Variants in SCN3A observed in about 807,000 individuals in gnomAD.
SCN3A encodes sodium channel protein type 3 subunit alpha.
SCN3A carries 60 observed loss-of-function variants against 187.6 expected under a neutral mutation model. The observed-to-expected ratio is 0.32, with a 90% CI of 0.26 to 0.40. The LOEUF (loss-of-function observed/expected upper bound fraction) is 0.40, where lower values mean the gene tolerates loss of function less well. Among genes scored for constraint, SCN3A ranks in the 10% least tolerant of loss-of-function variants. SCN3A has a pLI of 1.00. For missense variants in SCN3A, 1,601 were observed against 2,428.2 expected (o/e 0.66, Z 7.16); for synonymous variants, 788 against 829.2 (o/e 0.95, Z 0.85).
In SCN3A at chr2:165,095,477, G is replaced by A. The variant is rs899015917; in HGVS notation, c.4431+34C>T. ...GGCTGTATTAACAGACAGAACCCCA[G>A]AATGAAGAAAGGTAAAAGCTAAAGA... On this transcript the variant is annotated intron_variant, in intron 25 of 27. Transcript: ENST00000283254. 2.5e-6 allele frequency: 4 copies of A among 1,603,936 alleles called. No homozygotes were observed. In the African/African-American group the frequency reaches 4.0e-5, roughly 16 times the overall value.
intron 21 of SCN3A, among the ~76,000 whole-genome samples, chr2:165,103,616 C>T (rs946726847): frequency 2.8e-4 from 43 of 152,086 alleles, no homozygotes; most frequent in African/African-American, 1.0e-3. Flanking sequence ...AGTTGTCATC[C>T]ACACCTTTCC....
chr2:165,128,180 A>G (rs1687110701), intron 17 of SCN3A, 79 bp from the exon 18 acceptor site: 6 of 1,104,372 alleles, frequency 5.4e-6, no homozygotes, highest in Admixed American at 2.6e-5. Flanking sequence ...GAACTCATAG[A>G]TCTTTGCTAA....
intron 18 of SCN3A, among the ~76,000 whole-genome samples, chr2:165,116,492 A>G (rs1686373402): frequency 6.6e-6 from 1 of 152,248 alleles, no homozygotes. Flanking sequence ...AGCACAACCT[A>G]GATAATGTAA....
chr2:165,151,126 A>T (rs1344135483), intron 11 of SCN3A, among the ~76,000 whole-genome samples: 1 of 152,312 alleles, frequency 6.6e-6, no homozygotes, highest in Non-Finnish European at 1.5e-5. Context: ...CAATGGTAAG[A>T]TGAAAGTGGT....
intron 15 of SCN3A, among the ~76,000 whole-genome samples, chr2:165,132,157 G>C (rs772065182): frequency 1.4e-4 from 22 of 152,212 alleles, no homozygotes; most frequent in African/African-American, 4.3e-4. Flanking sequence ...AAGAACATTC[G>C]ATGTTCATGG....
chr2:165,099,471 C>A (rs372550501), intron 22 of SCN3A, among the ~76,000 whole-genome samples: 2 of 152,184 alleles, frequency 1.3e-5, no homozygotes, highest in African/African-American at 4.8e-5. Flanking sequence ...GTAATCCCAG[C>A]ACTTTGGGAG....
chr2:165,128,450 A>AG (rs1574160628), intron 17 of SCN3A, among the ~76,000 whole-genome samples: 3 of 148,304 alleles, frequency 2.0e-5, no homozygotes, highest in Admixed American at 2.0e-4. Flanking sequence ...AGAGAGAGAG[A>AG]AAGATACTTT....
chr2:165,176,751 AT>A (rs1690495077), intron 2 of SCN3A, among the ~76,000 whole-genome samples: 1 of 152,128 alleles, frequency 6.6e-6, no homozygotes, highest in Non-Finnish European at 1.5e-5. Context: ...AATTTTGTCC[AT>A]TTTTTAAAAG....
chr2:165,176,024 A>C (rs2105923834), intron 3 of SCN3A, 107 bp downstream of exon 3: 1 of 1,008,382 alleles, frequency 9.9e-7, no homozygotes, highest in Admixed American at 2.5e-5. Flanking sequence ...GTATTATAAA[A>C]TCTTTAACAG....
intron 15 of SCN3A, among the ~76,000 whole-genome samples, chr2:165,137,477 CT>C (rs1257920868): frequency 2.0e-5 from 3 of 152,048 alleles, no homozygotes; most frequent in African/African-American, 7.2e-5. Flanking sequence ...CAATGATGTT[CT>C]TTTTTTCATA....
intron 26 of SCN3A, chr2:165,093,681 T>G (rs370900565): frequency 1.5e-3 from 222 of 152,380 alleles, no homozygotes; most frequent in African/African-American, 5.1e-3. Flanking sequence ...CCAACTACTC[T>G]TATAAATATG....
In SCN3A at chr2:165,146,844, G is replaced by A; in HGVS notation, c.1566C>T (p.Ser522=). ...TGTCTTCAGATTCGGATTTGGGAAA[G>A]CTGTCTCTCTCTCCTTTGTTGTTTC... is the stretch of plus-strand genomic sequence containing the variant. The part of the protein sequence containing the change: ...LEGNNKGERD[S]FPKSESEDSV... The change falls in exon 12 of 28, where the codon AGC becomes AGT. Residue 522 remains serine, a synonymous_variant. Transcript: ENST00000283254. 6.2e-7 allele frequency: 1 copy of A among 1,614,086 alleles called. No individual in the cohort carries two copies.
chr2:165,184,140 A>G (rs1023044579), intron 2 of SCN3A, among the ~76,000 whole-genome samples: 3 of 152,180 alleles, frequency 2.0e-5, no homozygotes, highest in Admixed American at 2.0e-4. Flanking sequence ...ACCCAACAGC[A>G]TAAGATTTAT....
chr2:165,161,318 G>A (rs1467875322), intron 9 of SCN3A, among the ~76,000 whole-genome samples: 1 of 151,592 alleles, frequency 6.6e-6, no homozygotes, highest in East Asian at 1.9e-4. Flanking sequence ...CCATTTTAAC[G>A]ATGAGTAAAC....
chr2:165,141,764 T>C (rs773665092), intron 12 of SCN3A, among the ~76,000 whole-genome samples: 8 of 152,162 alleles, frequency 5.3e-5, no homozygotes, highest in Non-Finnish European at 7.4e-5. Flanking sequence ...TTGTGTAAAA[T>C]ATAACACTGG....
intron 18 of SCN3A, among the ~76,000 whole-genome samples, chr2:165,117,274 A>G (rs1474996906): frequency 1.3e-5 from 2 of 152,072 alleles, no homozygotes; most frequent in African/African-American, 4.8e-5. Context: ...AAAGTATTTG[A>G]GGTTAGTTAT....
At chr2:165,099,374 T>A (rs1382601687) in intron 22 of SCN3A, among the ~76,000 whole-genome samples, 5 of 152,102 alleles carry the variant, frequency 3.3e-5, no homozygotes, top group Non-Finnish European at 5.9e-5. Flanking sequence ...ACAACTGCTA[T>A]AGAAAAAGTG....
chr2:165,188,527 C>T (rs1478881737), intron 1 of SCN3A, among the ~76,000 whole-genome samples: 1 of 152,148 alleles, frequency 6.6e-6, no homozygotes, highest in Non-Finnish European at 1.5e-5. Context: ...CGGTGGCTCA[C>T]GCCTGTAATC....
chr2:165,132,514 AAAAC>A (rs1321531956), intron 15 of SCN3A, among the ~76,000 whole-genome samples: 1 of 152,216 alleles, frequency 6.6e-6, no homozygotes, highest in African/African-American at 2.4e-5. Context: ...AAATCTGAGA[AAAAC>A]AAGCAATGGG....
Sources: gnomAD v4.1 joint callset for allele counts (sites outside exome capture counted in the v4.1 genomes callset) on GRCh38, gnomAD v4.1.1 for gene constraint, MANE v1.5 for transcripts, NCBI Gene and HGNC (gene_info 2026-07-23, HGNC 2026-07-21) for gene names.